KCNH8: variants seen among roughly 807,000 people sequenced by gnomAD.
The protein encoded by KCNH8 is voltage-gated delayed rectifier potassium channel KCNH8.
A neutral mutation model predicts 103.6 loss-of-function variants in KCNH8; 70 were observed. The observed-to-expected ratio is 0.68, with a 90% CI of 0.56 to 0.82. KCNH8 has a LOEUF of 0.82. Among genes scored for constraint, KCNH8 ranks in the 40% least tolerant of loss-of-function variants. The probability of loss-of-function intolerance (pLI) is 0.00; values close to 1 mark genes in which losing one functional copy is unlikely to be tolerated. For missense variants in KCNH8, 1,217 were observed against 1,329.9 expected (o/e 0.92, Z 1.32); for synonymous variants, 498 against 489.4 (o/e 1.02, Z -0.23).
intron 7 of KCNH8, among the ~76,000 whole-genome samples, chr3:19,419,961 A>G (rs2066926794): frequency 6.6e-6 from 1 of 152,196 alleles, no homozygotes. Context: ...TTAGTCTCAT[A>G]GGATAAAATG....
At chr3:19,513,382 G>A (rs2068821149) in intron 13 of KCNH8, 57 bp downstream of exon 13, 10 of 1,520,740 alleles carry the variant, frequency 6.6e-6, no homozygotes, top group Non-Finnish European at 8.8e-6. Flanking sequence ...TTTATACAGA[G>A]TAGTACCTGC....
rs556205593 is a variant in KCNH8, at chr3:19,372,353, T to A, written c.812-18128T>A. Among the ~76,000 whole-genome samples the A allele has an allele frequency of 5.4e-3, 816 of 149,890 alleles. 5 individuals carry two copies. The highest frequency in any genetic ancestry group is 0.018 in the African/African-American group (752 of 40,714). On this transcript the variant is annotated intron_variant, in intron 5 of 15. Transcript: ENST00000328405. ...ATCCCTTGTAAGTTGGATTCCTAGG[T>A]ATTTTATTCTCTTTGAAGCAATTGT... is the stretch of plus-strand genomic sequence containing the variant.
At chr3:19,493,997 C>T (rs1194234069) in intron 11 of KCNH8, among the ~76,000 whole-genome samples, 2 of 152,070 alleles carry the variant, frequency 1.3e-5, no homozygotes, top group Non-Finnish European at 1.5e-5. Flanking sequence ...TGATGCTTTG[C>T]CTACTCTCAC....
At chr3:19,300,249 TAAAA>T (rs749359588) in intron 3 of KCNH8, among the ~76,000 whole-genome samples, 1 of 131,032 alleles carries the variant, frequency 7.6e-6, no homozygotes, top group African/African-American at 2.7e-5. Context: ...ACTCTGTCTA[TAAAA>T]AAAAAAAAGA....
chr3:19,366,063 G>A (rs368385217), intron 5 of KCNH8, among the ~76,000 whole-genome samples: 3 of 151,840 alleles, frequency 2.0e-5, no homozygotes, highest in South Asian at 2.1e-4. Flanking sequence ...ATTATCCTTC[G>A]AGCATTTTTG....
At chr3:19,498,406 G>A (rs191719379) in intron 11 of KCNH8, among the ~76,000 whole-genome samples, 2 of 152,226 alleles carry the variant, frequency 1.3e-5, no homozygotes, top group East Asian at 3.9e-4. Flanking sequence ...CATGTTTAGT[G>A]CTCCTTGCAG....
chr3:19,522,758 G>C (rs917624822), intron 15 of KCNH8, among the ~76,000 whole-genome samples: 1 of 151,676 alleles, frequency 6.6e-6, no homozygotes, highest in Non-Finnish European at 1.5e-5. Flanking sequence ...GCTTTGATGG[G>C]AATAATTATT....
intron 15 of KCNH8, among the ~76,000 whole-genome samples, chr3:19,533,020 T>A (rs2069191134): frequency 6.6e-6 from 1 of 151,878 alleles, no homozygotes; most frequent in South Asian, 2.1e-4. Context: ...CTGGCTAACA[T>A]GATGAAACCC....
intron 1 of KCNH8, among the ~76,000 whole-genome samples, chr3:19,157,806 T>C (rs961689634): frequency 1.3e-5 from 2 of 151,940 alleles, no homozygotes; most frequent in African/African-American, 4.8e-5. Flanking sequence ...ACTGAATTGT[T>C]GTTTTTCCCT....
chr3:19,239,685 C>CTAT (rs2064113626), intron 1 of KCNH8, among the ~76,000 whole-genome samples: 2 of 127,254 alleles, frequency 1.6e-5, no homozygotes, highest in Admixed American at 7.8e-5. Context: ...TATCTATCTA[C>CTAT]CTACCTACCT....
intron 11 of KCNH8, among the ~76,000 whole-genome samples, chr3:19,464,195 G>T (rs2067690062): frequency 6.6e-6 from 1 of 152,036 alleles, no homozygotes; most frequent in Non-Finnish European, 1.5e-5. Flanking sequence ...TGAATGCAAG[G>T]CTGTACAATT....
intron 11 of KCNH8, among the ~76,000 whole-genome samples, chr3:19,489,994 A>G (rs1304546461): frequency 6.6e-6 from 1 of 152,210 alleles, no homozygotes; most frequent in Non-Finnish European, 1.5e-5. Context: ...TCCAAGTGCC[A>G]GTTCCTTCCC....
chr3:19,416,032 C>G (rs907040176), intron 7 of KCNH8, among the ~76,000 whole-genome samples: 1 of 151,988 alleles, frequency 6.6e-6, no homozygotes, highest in Non-Finnish European at 1.5e-5. Flanking sequence ...AGGTTATCTT[C>G]TTTCCTACGT....
intron 15 of KCNH8, among the ~76,000 whole-genome samples, chr3:19,530,031 G>C (rs2069133328): frequency 1.3e-5 from 2 of 152,130 alleles, no homozygotes; most frequent in South Asian, 2.1e-4. Flanking sequence ...TCTCAAAGTT[G>C]TGGCAAATGC....
chr3:19,381,610 T>C (rs554818832), intron 5 of KCNH8, among the ~76,000 whole-genome samples: 2 of 151,962 alleles, frequency 1.3e-5, no homozygotes, highest in South Asian at 2.1e-4. Context: ...AAAACCAGTA[T>C]ATAAATGTGC....
chr3:19,295,894 A>G (rs1306855310), intron 3 of KCNH8, among the ~76,000 whole-genome samples: 1 of 152,136 alleles, frequency 6.6e-6, no homozygotes, highest in East Asian at 1.9e-4. Context: ...AATGGGAAAG[A>G]TAGGGTCCCC....
At chr3:19,415,901 G>A (rs1272803499) in intron 7 of KCNH8, among the ~76,000 whole-genome samples, 2 of 152,020 alleles carry the variant, frequency 1.3e-5, no homozygotes, top group East Asian at 3.8e-4. Flanking sequence ...GTATGAAATA[G>A]TGCTTAATTC....
intron 1 of KCNH8, among the ~76,000 whole-genome samples, chr3:19,174,171 C>T (rs955028470): frequency 1.3e-5 from 2 of 151,908 alleles, no homozygotes; most frequent in African/African-American, 4.8e-5. Flanking sequence ...TCCCACAGCT[C>T]ACCACTAGGC....
rs547213510 is a variant in KCNH8 at position 19,527,317 on chromosome 3, A to G, written c.2620-6078A>G. On this transcript the variant is annotated intron_variant, in intron 15 of 15. Coordinates refer to ENST00000328405, the MANE Select transcript of KCNH8 (RefSeq NM_144633.3). The stretch of plus-strand genomic sequence containing the variant: ...AGTTATAGAGATAACGGTAGTTTCT[A>G]TTTTCTTTAAGCTAAATACTTTCTG... Among the ~76,000 whole-genome samples, 7 of 152,148 alleles carry G rather than the reference A, an allele frequency of 4.6e-5. No homozygotes were observed. In the East Asian group the frequency reaches 1.4e-3, roughly 29 times the overall value.
Sources: allele counts gnomAD v4.1 joint callset (sites outside exome capture counted in the v4.1 genomes callset), GRCh38; gene constraint gnomAD v4.1.1; transcripts MANE v1.5; gene names NCBI Gene and HGNC (gene_info 2026-07-23, HGNC 2026-07-21).